Variants in PDE4D observed in about 807,000 individuals in gnomAD.
PDE4D encodes phosphodiesterase 4D.
In PDE4D, 24 loss-of-function variants were observed where a neutral mutation model predicts 87.4. The ratio of observed to expected loss-of-function variants is 0.27; its 90% CI spans 0.20 to 0.39. PDE4D has a LOEUF of 0.39. PDE4D is among the 10% of genes least tolerant of loss of function. The pLI is 1.00. For missense variants in PDE4D, 714 were observed against 1,041.0 expected, an observed-to-expected ratio of 0.69 and a Z score of 4.32; for synonymous variants, 384 against 383.2, an observed-to-expected ratio of 1.00 and a Z score of -0.02.
chr5:59,848,787 G>A (rs1744253476), intron 1 of PDE4D, among the ~76,000 whole-genome samples: 1 of 151,944 alleles, frequency 6.6e-6, no homozygotes, highest in African/African-American at 2.4e-5. Context: ...AAAAACACTG[G>A]GTTTTAAAAA....
chr5:60,407,317 T>G (rs1415753378), intron 1 of PDE4D, among the ~76,000 whole-genome samples: 2 of 152,004 alleles, frequency 1.3e-5, no homozygotes, highest in African/African-American at 4.8e-5. Flanking sequence ...GCAGGGCACA[T>G]GTGCAGTAAA....
At chr5:58,980,685 T>TGGGGGGAAC (rs1744907025) in intron 11 of PDE4D, among the ~76,000 whole-genome samples, 1 of 149,002 alleles carries the variant, frequency 6.7e-6, no homozygotes, top group Non-Finnish European at 1.5e-5. Context: ...GCTAATGAAA[T>TGGGGGGAAC]GGGGGGAAGG....
chr5:60,107,047 T>C (rs564706685), intron 2 of PDE4D, among the ~76,000 whole-genome samples: 1 of 151,800 alleles, frequency 6.6e-6, no homozygotes, highest in South Asian at 2.1e-4. Flanking sequence ...AAAAAACCCT[T>C]CAAAAATTAA....
chr5:60,110,775 G>C (rs1777593723), intron 2 of PDE4D, among the ~76,000 whole-genome samples: 1 of 151,956 alleles, frequency 6.6e-6, no homozygotes, highest in Middle Eastern at 3.2e-3. Flanking sequence ...CAGACAAATA[G>C]ATAAAGAAAA....
intron 1 of PDE4D, among the ~76,000 whole-genome samples, chr5:59,706,334 G>A (rs1402167169): frequency 6.6e-6 from 1 of 152,096 alleles, no homozygotes; most frequent in African/African-American, 2.4e-5. Flanking sequence ...TTCAGCTCAG[G>A]AAGTGACTAG....
intron 2 of PDE4D, among the ~76,000 whole-genome samples, chr5:60,176,930 A>G (rs1017041270): frequency 1.2e-4 from 19 of 152,278 alleles, no homozygotes; most frequent in African/African-American, 4.3e-4. Context: ...GAAACCATGT[A>G]GGATATAAGA....
intron 1 of PDE4D, among the ~76,000 whole-genome samples, chr5:59,456,103 T>C (rs766414478): frequency 1.3e-5 from 2 of 152,178 alleles, no homozygotes; most frequent in Non-Finnish European, 2.9e-5. Flanking sequence ...TGGGAGACTG[T>C]TGGGGAGGCA....
intron 1 of PDE4D, among the ~76,000 whole-genome samples, chr5:59,324,755 G>A (rs1369061804): frequency 6.6e-6 from 1 of 152,044 alleles, no homozygotes; most frequent in Non-Finnish European, 1.5e-5. Context: ...TCCCACCTCA[G>A]GATGGCTTTG....
chr5:59,748,205 C>T (rs888893832), intron 1 of PDE4D, among the ~76,000 whole-genome samples: 7 of 152,166 alleles, frequency 4.6e-5, no homozygotes, highest in African/African-American at 1.7e-4. Context: ...GCTGCCAAGT[C>T]TGGGTCATAA....
chr5:60,024,141 T>G (rs1766381041), intron 2 of PDE4D, among the ~76,000 whole-genome samples: 1 of 152,198 alleles, frequency 6.6e-6, no homozygotes, highest in African/African-American at 2.4e-5. Flanking sequence ...TGGTTAGAAT[T>G]TTCTAATTCA....
chr5:60,232,336 A>C (rs1450097809), intron 1 of PDE4D, among the ~76,000 whole-genome samples: 1 of 151,896 alleles, frequency 6.6e-6, no homozygotes, highest in Non-Finnish European at 1.5e-5. Context: ...GGGTGCAAGT[A>C]GGTTATACTA....
chr5:59,650,848 T>C (rs1005994492), intron 1 of PDE4D, among the ~76,000 whole-genome samples: 7 of 152,096 alleles, frequency 4.6e-5, no homozygotes, highest in Non-Finnish European at 8.8e-5. Context: ...GTGCAATAGC[T>C]AAATAAAGAA....
chr5:59,117,452 CAT>C (rs892721395), intron 5 of PDE4D, among the ~76,000 whole-genome samples: 5 of 152,178 alleles, frequency 3.3e-5, no homozygotes, highest in African/African-American at 1.2e-4. Context: ...TTGTCACACA[CAT>C]ACATGATCCA....
chr5:59,514,757 T>G (rs550156193), intron 1 of PDE4D, among the ~76,000 whole-genome samples: 70 of 152,316 alleles, frequency 4.6e-4, no homozygotes, highest in African/African-American at 1.5e-3. Flanking sequence ...CTCTGTTTCT[T>G]CATCAGTAAG....
At chr5:59,705,216 G>T (rs1291621246) in intron 1 of PDE4D, among the ~76,000 whole-genome samples, 1 of 152,068 alleles carries the variant, frequency 6.6e-6, no homozygotes, top group African/African-American at 2.4e-5. Flanking sequence ...GAAGAAGAGA[G>T]GCCAGAAACA....
At chr5:60,468,139 T>TTTTTTTTTTG in intron 1 of PDE4D, among the ~76,000 whole-genome samples, 1 of 145,516 alleles carries the variant, frequency 6.9e-6, no homozygotes, top group South Asian at 2.2e-4. Flanking sequence ...TCTTTTTTCT[T>TTTTTTTTTTG]TTTTTTTTGT....
chr5:59,338,196 T>C (rs1778062956), intron 1 of PDE4D, among the ~76,000 whole-genome samples: 1 of 152,234 alleles, frequency 6.6e-6, no homozygotes, highest in Non-Finnish European at 1.5e-5. Context: ...TACTTGGTTC[T>C]CACAGCCAAC....
At chr5:60,210,446 G>C (rs373725976) in intron 1 of PDE4D, among the ~76,000 whole-genome samples, 1 of 151,992 alleles carries the variant, frequency 6.6e-6, no homozygotes, top group East Asian at 1.9e-4. Flanking sequence ...AAACAGCAAA[G>C]TAATCAATAC....
rs567622186 is a variant in PDE4D, at chr5:60,313,664, G to A, written c.-89-127977C>T. On this transcript the variant is annotated intron_variant, in intron 1 of 16. Transcript: ENST00000502484. Reference sequence around the variant, plus strand: ...AACATCAGGCCAATATCCTTGATGAGCATAGGTGGAAAAATCCTCAACAAA... The same window carrying A: ...AACATCAGGCCAATATCCTTGATGAACATAGGTGGAAAAATCCTCAACAAA... Among the ~76,000 whole-genome samples, 23 of 152,308 alleles carry A rather than the reference G, an allele frequency of 1.5e-4. No homozygotes were observed. The South Asian group carries it at 3.9e-3, about 26-fold the overall frequency.
Sources: gnomAD v4.1 joint callset for allele counts (sites outside exome capture counted in the v4.1 genomes callset) on GRCh38, gnomAD v4.1.1 for gene constraint, MANE v1.5 for transcripts, NCBI Gene and HGNC (gene_info 2026-07-23, HGNC 2026-07-21) for gene names.